Variants in UBR2 observed in about 807,000 individuals in gnomAD.
UBR2 encodes E3 ubiquitin-protein ligase UBR2.
In UBR2, 92 loss-of-function variants were observed where a neutral mutation model predicts 247.9. The ratio of observed to expected loss-of-function variants is 0.37; its 90% confidence interval spans 0.31 to 0.44. The LOEUF (loss-of-function observed/expected upper bound fraction) is 0.44. Among genes scored for constraint, UBR2 ranks in the 20% least tolerant of loss-of-function variants. The probability of loss-of-function intolerance (pLI) is 1.00; values close to 1 mark genes in which losing one functional copy is unlikely to be tolerated. For synonymous variants in UBR2, 672 were observed against 693.5 expected, an observed-to-expected ratio of 0.97 and a Z score of 0.49; for missense variants, 1,613 against 2,112.6, an observed-to-expected ratio of 0.76 and a Z score of 4.64.
At chr6:42,635,680 C>G in intron 14 of UBR2, 134 bp downstream of exon 14, 1 of 1,086,134 alleles carries the variant, frequency 9.2e-7, no homozygotes. Flanking sequence ...TATTTTCCTT[C>G]TCCACCTATA....
At chr6:42,671,438 C>T (rs1254065187) in intron 36 of UBR2, among the ~76,000 whole-genome samples, 1 of 151,446 alleles carries the variant, frequency 6.6e-6, no homozygotes, top group Non-Finnish European at 1.5e-5. Flanking sequence ...GAAGAAGAAG[C>T]AGAAGAATGT....
chr6:42,588,374 C>T (rs554095704), intron 2 of UBR2, among the ~76,000 whole-genome samples: 29 of 152,202 alleles, frequency 1.9e-4, no homozygotes, highest in Non-Finnish European at 2.9e-4. Context: ...TAAACTTTGT[C>T]GAATTTTTAT....
At chr6:42,647,811 T>G (rs1416568457) in intron 21 of UBR2, among the ~76,000 whole-genome samples, 1 of 151,056 alleles carries the variant, frequency 6.6e-6, no homozygotes, top group African/African-American at 2.4e-5. Context: ...ACTTTGTGTT[T>G]TCATTTAATT....
Position 42,665,283 on chromosome 6 carries a change from T to G in UBR2, c.3699-126T>G, listed in dbSNP as rs571246663. 6.4e-6 allele frequency: 4 copies of G among 620,752 alleles called. No homozygotes were observed. The South Asian group carries it at 9.9e-5, about 15-fold the overall frequency. The allele number at this position is 620,752 out of a possible 1,614,324, so 38.5% of individuals were successfully genotyped here. On this transcript the variant is annotated intron_variant, in intron 32 of 46. Coordinates refer to ENST00000372901, the MANE Select transcript of UBR2 (RefSeq NM_001363705.2). ...CTGATTTTTTTTAATGCAACAAATT[T>G]TCCCTTATCCTTTTTGTTTTTAATA... is the stretch of plus-strand genomic sequence containing the variant.
chr6:42,611,275 A>G (rs894739684), intron 7 of UBR2, among the ~76,000 whole-genome samples: 7 of 151,692 alleles, frequency 4.6e-5, no homozygotes, highest in Non-Finnish European at 7.4e-5. Flanking sequence ...ATCCTGGCCA[A>G]CATGGTGAAA....
At chr6:42,614,350 A>G (rs1230815268) in intron 8 of UBR2, among the ~76,000 whole-genome samples, 3 of 124,828 alleles carry the variant, frequency 2.4e-5, no homozygotes, top group African/African-American at 8.8e-5. Flanking sequence ...GTGTGTATGT[A>G]TGTGTGTATA....
intron 43 of UBR2, among the ~76,000 whole-genome samples, 186 bp from the exon 44 acceptor site, chr6:42,684,606 CAA>C (rs761193366): frequency 6.9e-6 from 1 of 145,738 alleles, no homozygotes; most frequent in African/African-American, 2.5e-5. Context: ...AAAACAAAAA[CAA>C]AAAAAAAACT....
At chr6:42,611,767 G>A (rs968687272) in intron 7 of UBR2, among the ~76,000 whole-genome samples, 3 of 151,864 alleles carry the variant, frequency 2.0e-5, no homozygotes, top group South Asian at 2.1e-4. Context: ...TTAGCCAGGC[G>A]TCGTGGCGCA....
chr6:42,608,399 G>GAGGA (rs754087652), intron 7 of UBR2, among the ~76,000 whole-genome samples: 17 of 152,166 alleles, frequency 1.1e-4, no homozygotes, highest in Non-Finnish European at 2.5e-4. Flanking sequence ...GCAGAGGCAA[G>GAGGA]AGGATCGCTT....
At chr6:42,578,639 GAGCCATGAGT>G (rs1353108824) in intron 2 of UBR2, among the ~76,000 whole-genome samples, 2 of 151,796 alleles carry the variant, frequency 1.3e-5, no homozygotes, top group Non-Finnish European at 2.9e-5. Flanking sequence ...ATAAATTACT[GAGCCATGAGT>G]AGCATCTCAA....
rs1296714681 is a variant in UBR2 at position 42,644,212 on chromosome 6, A to G, written c.2098-2A>G. The G allele has an allele frequency of 1.3e-6, 2 of 1,580,038 alleles. No individual in the cohort carries two copies. The highest frequency in any genetic ancestry group is 1.7e-6 in the Non-Finnish European group (2 of 1,171,574). ...ATCTCAAACATTAAAAAAAAAAAAA[A>G]GACAGGTGTCTCCATGATGGATCCA... On this transcript the variant is annotated splice_acceptor_variant, in intron 18 of 46. Coordinates refer to ENST00000372901, the MANE Select transcript of UBR2 (RefSeq NM_001363705.2). LOFTEE classifies it high-confidence loss of function.
chr6:42,639,599 C>T (rs2151956465), intron 15 of UBR2, among the ~76,000 whole-genome samples: 1 of 152,158 alleles, frequency 6.6e-6, no homozygotes, highest in African/African-American at 2.4e-5. Context: ...ACCAAAAGTT[C>T]TGGGGAACTT....
At chr6:42,592,742 CT>C (rs1792748260) in intron 3 of UBR2, among the ~76,000 whole-genome samples, 1 of 152,102 alleles carries the variant, frequency 6.6e-6, no homozygotes. Context: ...TTAGATGGAA[CT>C]TTTCACCCTA....
chr6:42,606,599 C>T lies in UBR2; in HGVS notation c.812C>T (p.Ser271Phe). The change falls in exon 7 of 47, where the codon TCT becomes TTT. Residue 271 changes from serine (S) to phenylalanine (F), a missense_variant. Around this residue, in one of 3 missense-constraint regions of UBR2, gnomAD observed 1,524 missense variants for 1,967.3 expected, o/e 0.77. Transcript: ENST00000372901. ...TAAATATCTTTACAGGGGCGTAGGT[C>T]TGTTCGATATGGAGATTTTCAGTAT... Reference protein sequence around the residue: ...ATTVDRDGRRSVRYGDFQYCE... With the variant: ...ATTVDRDGRRFVRYGDFQYCE... 6.2e-7 allele frequency: 1 copy of T among 1,610,274 alleles called. No homozygotes were observed. The highest frequency in any genetic ancestry group is 8.5e-7 in the Non-Finnish European group (1 of 1,178,586).
chr6:42,570,875 A>G (rs151208645), intron 1 of UBR2, among the ~76,000 whole-genome samples: 1 of 151,702 alleles, frequency 6.6e-6, no homozygotes, highest in Non-Finnish European at 1.5e-5. Context: ...TAGAAGAGAC[A>G]GGGTTTTGCC....
At chr6:42,602,562 T>C (rs894986926) in intron 4 of UBR2, among the ~76,000 whole-genome samples, 1 of 151,894 alleles carries the variant, frequency 6.6e-6, no homozygotes, top group Non-Finnish European at 1.5e-5. Context: ...GGCTCATCTT[T>C]GGTGTGGGTA....
intron 4 of UBR2, among the ~76,000 whole-genome samples, chr6:42,595,979 T>C (rs190694904): frequency 1.3e-5 from 2 of 151,802 alleles, no homozygotes. Context: ...ATTGGGGTTC[T>C]GTATGTAGAA....
At chr6:42,655,578 A>G in intron 25 of UBR2, 43 bp from the exon 26 acceptor site, 1 of 1,209,512 alleles carries the variant, frequency 8.3e-7, no homozygotes. Context: ...TATGTACTTG[A>G]TTTTTTAAAT....
At chr6:42,665,931 A>G (rs1034147267) in intron 33 of UBR2, among the ~76,000 whole-genome samples, 3 of 152,096 alleles carry the variant, frequency 2.0e-5, no homozygotes, top group Admixed American at 1.3e-4. Flanking sequence ...GTTTTCATAG[A>G]AACAGAATAG....
Sources: allele counts gnomAD v4.1 joint callset (sites outside exome capture counted in the v4.1 genomes callset), GRCh38; gene constraint gnomAD v4.1.1; regional missense constraint gnomAD v4.1.1; transcripts MANE v1.5; gene names NCBI Gene and HGNC (gene_info 2026-07-23, HGNC 2026-07-21).